ADGRB3: variants seen among roughly 807,000 people sequenced by gnomAD.
ADGRB3 encodes the protein adhesion G protein-coupled receptor B3, also known as brain-specific angiogenesis inhibitor 3.
A neutral mutation model predicts 193.4 loss-of-function variants in ADGRB3; 37 were observed. The ratio of observed to expected loss-of-function variants is 0.19; its 90% confidence interval spans 0.15 to 0.25. The LOEUF is 0.25. Among genes scored for constraint, ADGRB3 ranks in the 10% least tolerant of loss-of-function variants. The pLI, the probability that ADGRB3 is intolerant of heterozygous loss-of-function variation, is 1.00. For synonymous variants in ADGRB3, 690 were observed against 644.2 expected, an observed-to-expected ratio of 1.07 and a Z score of -1.08; for missense variants, 1,637 against 1,852.9, an observed-to-expected ratio of 0.88 and a Z score of 2.14.
At chr6:69,090,131 A>C (rs1445685678) in intron 17 of ADGRB3, among the ~76,000 whole-genome samples, 1 of 152,166 alleles carries the variant, frequency 6.6e-6, no homozygotes, top group Non-Finnish European at 1.5e-5. Flanking sequence ...TTCATTTTCT[A>C]AACTTCTATT....
intron 3 of ADGRB3, among the ~76,000 whole-genome samples, chr6:68,707,517 A>G (rs1181936440): frequency 6.6e-6 from 1 of 152,202 alleles, no homozygotes; most frequent in Non-Finnish European, 1.5e-5. Context: ...ATTTTTACCT[A>G]TGTATTAGTT....
At chr6:68,853,411 C>A (rs535937245) in intron 3 of ADGRB3, among the ~76,000 whole-genome samples, 1 of 151,856 alleles carries the variant, frequency 6.6e-6, no homozygotes, top group South Asian at 2.1e-4. Context: ...TGTGGCAAAC[C>A]ATTTAATAAT....
intron 3 of ADGRB3, among the ~76,000 whole-genome samples, chr6:68,741,116 T>C (rs1765972214): frequency 6.6e-6 from 1 of 152,098 alleles, no homozygotes; most frequent in Non-Finnish European, 1.5e-5. Context: ...ATGAAACAAA[T>C]GCATGCATGG....
intron 3 of ADGRB3, among the ~76,000 whole-genome samples, chr6:68,905,169 C>A (rs1012303626): frequency 6.6e-5 from 10 of 152,248 alleles, no homozygotes; most frequent in Non-Finnish European, 1.2e-4. Flanking sequence ...ATATAACGAT[C>A]TGTTTTAATA....
chr6:69,212,579 T>G (rs1380873723), intron 17 of ADGRB3, among the ~76,000 whole-genome samples: 1 of 152,192 alleles, frequency 6.6e-6, no homozygotes, highest in African/African-American at 2.4e-5. Context: ...TTTTCTTTTA[T>G]TCCTCCAGAC....
intron 8 of ADGRB3, among the ~76,000 whole-genome samples, chr6:68,964,330 A>T (rs906155818): frequency 5.3e-5 from 8 of 152,032 alleles, no homozygotes; most frequent in Non-Finnish European, 1.2e-4. Flanking sequence ...TCATGGGAGG[A>T]TTTGTCCCAG....
intron 3 of ADGRB3, among the ~76,000 whole-genome samples, chr6:68,928,067 A>G (rs898462754): frequency 6.6e-6 from 1 of 152,014 alleles, no homozygotes; most frequent in South Asian, 2.1e-4. Flanking sequence ...AATTTCTAGG[A>G]TATTGAAATT....
intron 11 of ADGRB3, among the ~76,000 whole-genome samples, chr6:68,995,543 T>G (rs142956822): frequency 6.6e-6 from 1 of 152,348 alleles, no homozygotes; most frequent in Non-Finnish European, 1.5e-5. Flanking sequence ...TCATTGACAT[T>G]AGCTGGTTTG....
intron 3 of ADGRB3, among the ~76,000 whole-genome samples, chr6:68,764,158 C>A (rs980429523): frequency 1.5e-4 from 23 of 152,126 alleles, no homozygotes; most frequent in African/African-American, 5.3e-4. Flanking sequence ...CTCTCTCATG[C>A]GATCTCGACC....
At chr6:68,938,944 A>G (rs1321622885) in intron 5 of ADGRB3, among the ~76,000 whole-genome samples, 1 of 152,198 alleles carries the variant, frequency 6.6e-6, no homozygotes, top group African/African-American at 2.4e-5. Context: ...TATTATGGCA[A>G]ATGGATCTCC....
chr6:68,843,279 CAA>C (rs1768200450), intron 3 of ADGRB3, among the ~76,000 whole-genome samples: 1 of 151,754 alleles, frequency 6.6e-6, no homozygotes, highest in African/African-American at 2.4e-5. Context: ...TCAAAAAACC[CAA>C]AGAGTCTACC....
chr6:68,921,360 T>C (rs1204102883), intron 3 of ADGRB3, among the ~76,000 whole-genome samples: 1 of 152,124 alleles, frequency 6.6e-6, no homozygotes, highest in Non-Finnish European at 1.5e-5. Flanking sequence ...GGAATAATAA[T>C]ATCAGACAAA....
chr6:68,956,550 C>T (rs1392722511), intron 7 of ADGRB3, 95 bp from the exon 8 acceptor site: 1 of 1,465,782 alleles, frequency 6.8e-7, no homozygotes. Flanking sequence ...AGTAGATTAA[C>T]AAAAATGGAA....
chr6:69,279,289 A>G (rs1363853435), intron 20 of ADGRB3, among the ~76,000 whole-genome samples: 1 of 151,772 alleles, frequency 6.6e-6, no homozygotes, highest in Non-Finnish European at 1.5e-5. Flanking sequence ...GAGTAAGATC[A>G]TCTGGCAACA....
chr6:68,902,823 A>G (rs1200891841), intron 3 of ADGRB3, among the ~76,000 whole-genome samples: 1 of 152,176 alleles, frequency 6.6e-6, no homozygotes, highest in Non-Finnish European at 1.5e-5. Context: ...TAAAAGGACT[A>G]GACACTGATT....
intron 3 of ADGRB3, among the ~76,000 whole-genome samples, chr6:68,829,371 G>A (rs1767911137): frequency 1.3e-5 from 2 of 151,824 alleles, no homozygotes; most frequent in South Asian, 4.2e-4. Context: ...CACAGTGTTG[G>A]GAATACAAGC....
intron 3 of ADGRB3, among the ~76,000 whole-genome samples, chr6:68,927,399 C>T (rs991905071): frequency 2.0e-5 from 3 of 152,044 alleles, no homozygotes; most frequent in Non-Finnish European, 2.9e-5. Context: ...CCACATTCAC[C>T]ACATAAAATA....
chr6:69,335,799 T>C (rs1291201676), intron 24 of ADGRB3, among the ~76,000 whole-genome samples: 1 of 152,102 alleles, frequency 6.6e-6, no homozygotes, highest in African/African-American at 2.4e-5. Flanking sequence ...TATCAAGCAT[T>C]TGTTTTACAA....
chr6:69,131,646 C>T (rs1774013309), intron 17 of ADGRB3, among the ~76,000 whole-genome samples: 1 of 151,732 alleles, frequency 6.6e-6, no homozygotes, highest in Non-Finnish European at 1.5e-5. Flanking sequence ...TTTAATAATA[C>T]TTTAAGTTCT....
Sources: allele counts gnomAD v4.1 joint callset (sites outside exome capture counted in the v4.1 genomes callset), GRCh38; gene constraint gnomAD v4.1.1; transcripts MANE v1.5; gene names NCBI Gene and HGNC (gene_info 2026-07-23, HGNC 2026-07-21).